Variants in DNAJB4 observed in about 807,000 individuals in gnomAD.
DNAJB4 encodes DnaJ heat shock protein family (Hsp40) member B4, also known as dnaJ homolog subfamily B member 4.
Under a neutral mutation model 26.6 loss-of-function variants are expected in DNAJB4, and 10 were observed. The ratio of observed to expected loss-of-function variants is 0.38; its 90% CI spans 0.23 to 0.64. The LOEUF (loss-of-function observed/expected upper bound fraction) is 0.64, where lower values mean the gene tolerates loss of function less well. Ranked by LOEUF, DNAJB4 falls within the 30% of genes least tolerant of loss-of-function variation. The pLI, the probability that DNAJB4 is intolerant of heterozygous loss-of-function variation, is 0.58. For synonymous variants in DNAJB4, 136 were observed against 134.8 expected, an observed-to-expected ratio of 1.01 and a Z score of -0.06; for missense variants, 328 against 408.2, an observed-to-expected ratio of 0.80 and a Z score of 1.69.
At chr1:77,981,573 A>G (rs534721056) in intron 1 of DNAJB4, among the ~76,000 whole-genome samples, 1 of 152,286 alleles carries the variant, frequency 6.6e-6, no homozygotes, top group Non-Finnish European at 1.5e-5. Flanking sequence ...TGGCCTCCCA[A>G]AGTGCTGGGA....
intron 1 of DNAJB4, among the ~76,000 whole-genome samples, chr1:77,990,067 A>G (rs1659895423): frequency 6.6e-6 from 1 of 152,190 alleles, no homozygotes; most frequent in Admixed American, 6.5e-5. Flanking sequence ...GCCATCCCCA[A>G]GAGACTGGGG....
chr1:77,987,410 T>A (rs1416664762), intron 1 of DNAJB4, among the ~76,000 whole-genome samples: 4 of 152,166 alleles, frequency 2.6e-5, no homozygotes, highest in African/African-American at 7.2e-5. Context: ...ACTACAGGCA[T>A]GCATCAGCAC....
chr1:77,987,563 A>G (rs185318963), intron 1 of DNAJB4, among the ~76,000 whole-genome samples: 3 of 152,226 alleles, frequency 2.0e-5, no homozygotes, highest in African/African-American at 7.2e-5. Flanking sequence ...GGCCCCATGC[A>G]TCTTTATTTT....
At chr1:78,008,459 CTA>C (rs1487896168) in intron 1 of DNAJB4, among the ~76,000 whole-genome samples, 1 of 152,086 alleles carries the variant, frequency 6.6e-6, no homozygotes, top group African/African-American at 2.4e-5. Flanking sequence ...ACCTCAGAAA[CTA>C]TGCTAAATTA....
At chr1:77,992,186 G>A (rs1659945686) in intron 1 of DNAJB4, among the ~76,000 whole-genome samples, 1 of 151,868 alleles carries the variant, frequency 6.6e-6, no homozygotes, top group Non-Finnish European at 1.5e-5. Context: ...GGCCGAGGCG[G>A]GCGGATCACG....
At chr1:78,004,644 T>A (rs1660280947), upstream of DNAJB4, 1 of 157,440 alleles carries the variant, frequency 6.4e-6, no homozygotes, top group African/African-American at 2.4e-5. Flanking sequence ...TTTCACCTAG[T>A]ATGGAGTACA....
chr1:77,993,671 T>G (rs1257588721), intron 1 of DNAJB4, among the ~76,000 whole-genome samples: 1 of 152,214 alleles, frequency 6.6e-6, no homozygotes, highest in Non-Finnish European at 1.5e-5. Context: ...GTTTTATCCT[T>G]CATGTTACAT....
chr1:77,997,802 CTTTTT>C (rs1276961487), intron 1 of DNAJB4, among the ~76,000 whole-genome samples: 2 of 151,810 alleles, frequency 1.3e-5, no homozygotes, highest in African/African-American at 2.4e-5. Flanking sequence ...TTCTTCTTTT[CTTTTT>C]GAGACAGTCT....
chr1:78,000,752 G>A (rs1195906886), upstream of DNAJB4, among the ~76,000 whole-genome samples: 1 of 152,114 alleles, frequency 6.6e-6, no homozygotes, highest in Admixed American at 6.5e-5. Context: ...GGGAGGCCAA[G>A]GCGGGTGAAT....
intron 1 of DNAJB4, among the ~76,000 whole-genome samples, chr1:77,995,341 A>C (rs1223004822): frequency 1.3e-5 from 2 of 152,194 alleles, no homozygotes; most frequent in Non-Finnish European, 2.9e-5. Context: ...CACTGGTCTA[A>C]ATAGTGTGAT....
rs1203947787 is a variant in DNAJB4 at position 77,984,142 on chromosome 1, C to A, written c.-32+3820C>A. ...AATTAACCTTTAACTAGGGACTTTT[C>A]ACTGGAATGGTCCAAATCAGGCTGT... is the stretch of plus-strand genomic sequence containing the variant. On this transcript the variant is annotated intron_variant, in intron 1 of 2. Coordinates refer to the DNAJB4 transcript ENST00000426517. Among the ~76,000 whole-genome samples, 6 of 152,208 alleles carry A rather than the reference C, an allele frequency of 3.9e-5. No individual in the cohort carries two copies. In the East Asian group the frequency reaches 1.2e-3, roughly 29 times the overall value.
chr1:77,987,118 G>T (rs993147808), intron 1 of DNAJB4, among the ~76,000 whole-genome samples: 16 of 152,200 alleles, frequency 1.1e-4, no homozygotes, highest in Admixed American at 9.8e-4. Context: ...CATCTCAGGG[G>T]TGAGGGAGAG....
upstream of DNAJB4, chr1:77,979,515 C>T (rs1659423008): frequency 1.3e-5 from 2 of 153,924 alleles, no homozygotes; most frequent in East Asian, 1.8e-4. Context: ...GTCTCGAGAG[C>T]GCTGCCGCCC....
chr1:77,988,013 ATATG>A (rs1659837559), intron 1 of DNAJB4, among the ~76,000 whole-genome samples: 1 of 146,540 alleles, frequency 6.8e-6, no homozygotes. Context: ...CATTATATAT[ATATG>A]TGTGTGTGTG....
At chr1:77,985,015 A>G (rs182439787) in intron 1 of DNAJB4, among the ~76,000 whole-genome samples, 121 of 152,314 alleles carry the variant, frequency 7.9e-4, no homozygotes, top group African/African-American at 2.8e-3. Flanking sequence ...TGTCTTCTAT[A>G]TGAAGCATCG....
chr1:77,979,550 C>G (rs1187695407), upstream of DNAJB4: 6 of 152,128 alleles, frequency 3.9e-5, no homozygotes, highest in Admixed American at 2.6e-4. Flanking sequence ...GAAGTGCGTC[C>G]GAGACGCCGC....
At chr1:78,000,913 G>A (rs1405459759), upstream of DNAJB4, among the ~76,000 whole-genome samples, 1 of 152,138 alleles carries the variant, frequency 6.6e-6, no homozygotes, top group African/African-American at 2.4e-5. Flanking sequence ...AACCCGGGAG[G>A]CGGAGGTTGC....
At chr1:77,994,583 CT>C (rs5775435) in intron 1 of DNAJB4, among the ~76,000 whole-genome samples, 124,175 of 142,072 alleles carry the variant, frequency 0.87, 54,362 homozygotes, top group Non-Finnish European at 0.92. Flanking sequence ...TACTCTCTCT[CT>C]TTTTTTTTTT....
intron 1 of DNAJB4, 33 bp from the exon 2 acceptor site, chr1:78,013,018 C>CT (rs1660532556): frequency 6.6e-7 from 1 of 1,512,174 alleles, no homozygotes; most frequent in South Asian, 1.4e-5. Flanking sequence ...GAGTTGCAAG[C>CT]TTTTTTCTAA....
Sources: allele counts gnomAD v4.1 joint callset (sites outside exome capture counted in the v4.1 genomes callset), GRCh38; gene constraint gnomAD v4.1.1; transcripts MANE v1.5; gene names NCBI Gene and HGNC (gene_info 2026-07-23, HGNC 2026-07-21).